TRPM2: variants seen among roughly 807,000 people sequenced by gnomAD.
The protein encoded by TRPM2 is estrogen-responsive element-associated gene 1 protein.
In TRPM2, 161 loss-of-function variants were observed where a neutral mutation model predicts 174.0. The ratio of observed to expected loss-of-function variants is 0.93; its 90% CI spans 0.81 to 1.05. The LOEUF is 1.05. TRPM2 is among the 50% of genes least tolerant of loss of function. TRPM2 has a pLI of 0.00. For synonymous variants in TRPM2, 954 were observed against 861.3 expected (o/e 1.11, Z -1.88); for missense variants, 2,057 against 2,038.0 (o/e 1.01, Z -0.18).
rs370225074 is a variant in TRPM2 at position 44,407,095 on chromosome 21, G to C, written c.2962+330G>C. On this transcript the variant is annotated intron_variant, in intron 19 of 31. Coordinates refer to ENST00000397928, the MANE Select transcript of TRPM2 (RefSeq NM_003307.4). Reference sequence around the variant, plus strand: ...TCCCCTTTCCCTCTCACCTCAATCAGAAATAACTTCCTTCTTCTCTTGATG... The same window carrying C: ...TCCCCTTTCCCTCTCACCTCAATCACAAATAACTTCCTTCTTCTCTTGATG... Among the ~76,000 whole-genome samples, 39 of 83,414 alleles carry C rather than the reference G, an allele frequency of 4.7e-4. No homozygotes were observed. The East Asian group carries it at 0.013, about 27-fold the overall frequency. The allele number at this position is 83,414 out of a possible 152,430, so 54.7% of individuals were successfully genotyped here. A position where few individuals can be genotyped will look rare whatever the true frequency, so the allele number is the denominator to read the frequency against.
chr21:44,412,855 G>A (rs2050148107), intron 19 of TRPM2, among the ~76,000 whole-genome samples: 1 of 151,934 alleles, frequency 6.6e-6, no homozygotes, highest in Non-Finnish European at 1.5e-5. Flanking sequence ...GGAATTTATA[G>A]CCATCAGAGT....
At chr21:44,355,792 TC>T (rs1239786204) in intron 2 of TRPM2, among the ~76,000 whole-genome samples, 3 of 151,634 alleles carry the variant, frequency 2.0e-5, no homozygotes, top group Non-Finnish European at 4.4e-5. Flanking sequence ...ACTCGGTACA[TC>T]ATCAGAGTTT....
At chr21:44,425,605 T>G in intron 24 of TRPM2, 65 bp from the exon 25 acceptor site, 1 of 1,428,596 alleles carries the variant, frequency 7.0e-7, no homozygotes. Flanking sequence ...AGGAAGTCCT[T>G]GTCCTGCGGG....
At chr21:44,358,801 C>T (rs2048127361) in intron 2 of TRPM2, among the ~76,000 whole-genome samples, 1 of 152,176 alleles carries the variant, frequency 6.6e-6, no homozygotes, top group African/African-American at 2.4e-5. Flanking sequence ...TTGGTTCCTT[C>T]CCGGGGGTCT....
intron 27 of TRPM2, among the ~76,000 whole-genome samples, chr21:44,433,036 G>A (rs1367792200): frequency 2.0e-5 from 3 of 152,186 alleles, no homozygotes; most frequent in Non-Finnish European, 4.4e-5. Context: ...CTCAGGTGTG[G>A]GGTGGGGGCT....
intron 23 of TRPM2, among the ~76,000 whole-genome samples, 159 bp downstream of exon 23, chr21:44,423,891 G>A (rs1318512575): frequency 2.0e-5 from 3 of 152,222 alleles, no homozygotes; most frequent in African/African-American, 7.2e-5. Flanking sequence ...GAGGCACCCT[G>A]TGTGTCCTCC....
chr21:44,411,697 C>A (rs181952523), intron 19 of TRPM2, among the ~76,000 whole-genome samples: 1 of 152,166 alleles, frequency 6.6e-6, no homozygotes, highest in Non-Finnish European at 1.5e-5. Flanking sequence ...AGGGAACAAG[C>A]CTTTCACCAT....
chr21:44,391,639 A>G lies in TRPM2; in HGVS notation c.1794+14A>G. ...GTCAAGCTCAACGTGCGTGCTGGTA[A>G]CGGGGCCCATCCTGGACTCGTCTTC... On this transcript the variant is annotated intron_variant, in intron 11 of 31. Coordinates refer to ENST00000397928, the MANE Select transcript of TRPM2 (RefSeq NM_003307.4). The surrounding 1 kb of genome is among the most constrained non-coding windows in gnomAD (Gnocchi z 5.0). 6.4e-7 allele frequency: 1 copy of G among 1,559,056 alleles called. No individual in the cohort carries two copies. Among genetic ancestry groups the G allele is most frequent in the Non-Finnish European group, 8.6e-7 (1 of 1,159,418 alleles).
At chr21:44,384,698 T>C (rs1421546704) in intron 9 of TRPM2, among the ~76,000 whole-genome samples, 2 of 152,144 alleles carry the variant, frequency 1.3e-5, no homozygotes, top group East Asian at 3.9e-4. Context: ...GCCATAGCAC[T>C]AGATGAAATG....
Position 44,391,757 on chromosome 21 carries a change from GGCT to G in TRPM2, c.1794+137_1794+139del. On this transcript the variant is annotated intron_variant, in intron 11 of 31. Transcript: ENST00000397928. The surrounding 1 kb of genome is among the most constrained non-coding windows in gnomAD (Gnocchi z 5.0). ...CACATGCTCTATCTTAGGCTGCTTG[GGCT>G]GCTGTAACAAAATTCCACAGATGGG... is the stretch of plus-strand genomic sequence containing the variant. 1.1e-6 allele frequency: 1 copy of G among 901,500 alleles called. No individual in the cohort carries two copies. The highest frequency in any genetic ancestry group is 2.8e-5 in the East Asian group (1 of 35,842). 55.8% of individuals were successfully genotyped at this position (901,500 alleles called of 1,614,324 possible).
intron 9 of TRPM2, among the ~76,000 whole-genome samples, chr21:44,385,502 C>A (rs1284331537): frequency 2.0e-5 from 3 of 152,202 alleles, no homozygotes; most frequent in Non-Finnish European, 4.4e-5. Flanking sequence ...CATACTTTCA[C>A]CACTTCCATT....
chr21:44,419,933 GTGGTGC>G (rs1051393737), intron 22 of TRPM2, among the ~76,000 whole-genome samples: 61 of 143,852 alleles, frequency 4.2e-4, no homozygotes, highest in African/African-American at 1.0e-3. Context: ...GATGGTAGTG[GTGGTGC>G]TGGTGCTGGT....
Position 44,424,865 on chromosome 21 carries a change from C to T in TRPM2, c.3563C>T (p.Ala1188Val). The T allele has an allele frequency of 1.9e-6, 3 of 1,602,220 alleles. No homozygotes were observed. The highest frequency in any genetic ancestry group is 2.6e-6 in the Non-Finnish European group (3 of 1,175,352). Residue 1188 changes from alanine (A) to valine (V), a missense_variant, in exon 24 of 32, where the codon GCC becomes GTC. Ala to Val is a moderately conservative substitution (Grantham distance 64, BLOSUM62 0). Transcript: ENST00000397928. ...CATGCCTTCCAGGTGGCCCAGACAG[C>T]CCAAGCCCTGCACTGGATCGTGAGG... ...ASLEEQVAQT[A>V]QALHWIVRTL...
Position 44,377,773 on chromosome 21 carries a change from C to A in TRPM2, c.1014C>A (p.His338Gln). Reference sequence around the variant, plus strand: ...TGGAGGGCGGCCCGGGCACGTTGCACGTGAGTATGGCCAGGTGGGAGGGGG... The same window carrying A: ...TGGAGGGCGGCCCGGGCACGTTGCAAGTGAGTATGGCCAGGTGGGAGGGGG... ...VVLEGGPGTL[H>Q]TIDNATTNGT... The change falls in exon 7 of 32, where the codon CAC (histidine) becomes CAA (glutamine). Residue 338 changes from histidine (H) to glutamine (Q), a missense_variant and splice_region_variant. Physicochemically the swap from His to Gln is conservative, Grantham distance 24. Coordinates refer to ENST00000397928, the MANE Select transcript of TRPM2 (RefSeq NM_003307.4). 2 of 1,614,072 alleles carry A rather than the reference C, an allele frequency of 1.2e-6. No individual in the cohort carries two copies. Among genetic ancestry groups the A allele is most frequent in the Non-Finnish European group, 1.7e-6 (2 of 1,180,008 alleles).
intron 5 of TRPM2, among the ~76,000 whole-genome samples, chr21:44,371,501 T>G (rs1212473426): frequency 4.0e-5 from 5 of 125,676 alleles, no homozygotes; most frequent in African/African-American, 9.2e-5. Flanking sequence ...CCCTCCAGTC[T>G]CTGCCTCCGT....
Position 44,430,995 on chromosome 21 carries a change from T to C in TRPM2, c.3974+3884T>C, listed in dbSNP as rs543036596. ...TTTTTTGATTATTCTTGCCAGTGGC[T>C]TAATTTTATAATCTTTTCAAAAAAC... On this transcript the variant is annotated intron_variant, in intron 27 of 31. Transcript: ENST00000397928. Among the ~76,000 whole-genome samples, 38 of 151,286 alleles carry C rather than the reference T, an allele frequency of 2.5e-4. No homozygotes were observed. The East Asian group carries it at 7.2e-3, about 29-fold the overall frequency.
chr21:44,426,575 G>C, intron 25 of TRPM2, 85 bp from the exon 26 acceptor site: 1 of 1,427,402 alleles, frequency 7.0e-7, no homozygotes, highest in South Asian at 1.1e-5. Flanking sequence ...TTCAGACCCA[G>C]CTGAGCAGCC....
chr21:44,402,708 G>A (rs45583634), intron 16 of TRPM2, among the ~76,000 whole-genome samples: 36 of 152,186 alleles, frequency 2.4e-4, no homozygotes, highest in African/African-American at 8.4e-4. Flanking sequence ...GGAGCTGGGC[G>A]AGGCCAAGCT....
chr21:44,405,603 G>A (rs184671707), intron 17 of TRPM2, among the ~76,000 whole-genome samples: 1 of 152,250 alleles, frequency 6.6e-6, no homozygotes, highest in Non-Finnish European at 1.5e-5. Flanking sequence ...TGCCTGTGAT[G>A]CTCTCGTGTC....
Sources: allele counts gnomAD v4.1 joint callset (sites outside exome capture counted in the v4.1 genomes callset), GRCh38; gene constraint gnomAD v4.1.1; non-coding constraint Gnocchi (gnomAD v3.1); transcripts MANE v1.5; gene names NCBI Gene and HGNC (gene_info 2026-07-23, HGNC 2026-07-21).